The following ZNF236 variants were observed in gnomAD, a reference collection of about 807,000 sequenced individuals.
ZNF236 encodes zinc finger protein 236.
A neutral mutation model predicts 191.2 loss-of-function variants in ZNF236; 50 were observed. The ratio of observed to expected loss-of-function variants is 0.26; its 90% confidence interval spans 0.21 to 0.33. The LOEUF (loss-of-function observed/expected upper bound fraction) is 0.33. Ranked by LOEUF, ZNF236 falls within the 10% of genes least tolerant of loss-of-function variation. ZNF236 has a pLI of 1.00. For synonymous variants in ZNF236, 907 were observed against 928.8 expected (o/e 0.98, Z 0.43); for missense variants, 1,754 against 2,374.5 (o/e 0.74, Z 5.43).
intron 25 of ZNF236, among the ~76,000 whole-genome samples, chr18:76,932,508 CT>C (rs759627242): frequency 2.0e-5 from 3 of 152,242 alleles, no homozygotes; most frequent in Non-Finnish European, 2.9e-5. Context: ...AGTTCATCAT[CT>C]TTCCCCCGCT....
In ZNF236 at chr18:76,895,063, G is replaced by A. The variant is rs1378009514; in HGVS notation, c.1468G>A (p.Ala490Thr). The A allele has an allele frequency of 1.3e-5, 21 of 1,611,606 alleles. No homozygotes were observed. Among genetic ancestry groups the A allele is most frequent in the Non-Finnish European group, 1.6e-5 (19 of 1,179,996 alleles). Residue 490 changes from alanine to threonine, a missense_variant, in exon 10 of 31, where the codon GCC becomes ACC. Physicochemically the swap from Ala to Thr is moderately conservative, Grantham distance 58 (BLOSUM62 0). Transcript: ENST00000320610. ...GVRWHVCPYC[A>T]KEFRKPSDLV... is the part of the protein sequence containing the mutation. ...GCGCTGGCATGTGTGTCCCTACTGCGCCAAGGAGTTCCGCAAGCCCAGCGA... is the reference window on the plus strand; with the variant it reads ...GCGCTGGCATGTGTGTCCCTACTGCACCAAGGAGTTCCGCAAGCCCAGCGA...
At chr18:76,930,197 T>A (rs1967809895) in intron 25 of ZNF236, among the ~76,000 whole-genome samples, 1 of 152,246 alleles carries the variant, frequency 6.6e-6, no homozygotes, top group African/African-American at 2.4e-5. Flanking sequence ...TTCTACTTTT[T>A]AAAATTTTTG....
intron 26 of ZNF236, among the ~76,000 whole-genome samples, chr18:76,947,070 A>G (rs1599418324): frequency 6.6e-6 from 1 of 152,018 alleles, no homozygotes; most frequent in Admixed American, 6.5e-5. Context: ...GCCCCTGGCA[A>G]CTGCCAGTCC....
rs17060031 is a variant in ZNF236, at chr18:76,899,353, G to A, written c.1894+131G>A. Reference sequence around the variant, plus strand: ...TAGGCATAGTATTAATGAAGTCTGTGTTAAGCCTTGTTTTGCTTTATGGAC... The same window carrying A: ...TAGGCATAGTATTAATGAAGTCTGTATTAAGCCTTGTTTTGCTTTATGGAC... On this transcript the variant is annotated intron_variant, in intron 11 of 30. Coordinates refer to ENST00000320610, the MANE Select transcript of ZNF236 (RefSeq NM_001306089.2). 8.0e-3 allele frequency: 6,204 copies of A among 779,742 alleles called. 203 individuals carry two copies. In the African/African-American group the frequency reaches 0.082, roughly 10 times the overall value. 48.3% of individuals were successfully genotyped at this position (779,742 alleles called of 1,614,324 possible).
intron 1 of ZNF236, among the ~76,000 whole-genome samples, chr18:76,825,923 T>A (rs1264717425): frequency 1.3e-5 from 2 of 152,202 alleles, no homozygotes; most frequent in East Asian, 1.9e-4. Context: ...GGGCTGCATT[T>A]AAGAATGTAT....
At chr18:76,964,521 A>G (rs943413544) in intron 30 of ZNF236, among the ~76,000 whole-genome samples, 1 of 152,214 alleles carries the variant, frequency 6.6e-6, no homozygotes, top group African/African-American at 2.4e-5. Context: ...GCTGTTAAAT[A>G]TAATGTATAT....
intron 26 of ZNF236, among the ~76,000 whole-genome samples, chr18:76,938,439 T>C (rs1968053128): frequency 6.6e-6 from 1 of 152,186 alleles, no homozygotes; most frequent in Non-Finnish European, 1.5e-5. Context: ...TTGATTGTCC[T>C]GTCTCTGCTT....
At chr18:76,933,144 T>G (rs9945872) in intron 25 of ZNF236, among the ~76,000 whole-genome samples, 1 of 152,046 alleles carries the variant, frequency 6.6e-6, no homozygotes, top group Non-Finnish European at 1.5e-5. Flanking sequence ...TTGCATTTTT[T>G]AAATTATTAT....
intron 3 of ZNF236, among the ~76,000 whole-genome samples, chr18:76,865,354 CA>C (rs1976377683): frequency 1.3e-5 from 2 of 151,864 alleles, no homozygotes; most frequent in South Asian, 4.2e-4. Flanking sequence ...AAAAACAAAA[CA>C]AAACAAAAAA....
intron 1 of ZNF236, among the ~76,000 whole-genome samples, chr18:76,822,895 C>A (rs1049136623): frequency 2.7e-5 from 4 of 147,950 alleles, no homozygotes; most frequent in African/African-American, 7.3e-5. Flanking sequence ...TTTCCTGGGC[C>A]GGGCGGCGGC....
chr18:76,842,110 G>C (rs1256213478), intron 1 of ZNF236, among the ~76,000 whole-genome samples: 2 of 152,102 alleles, frequency 1.3e-5, no homozygotes, highest in African/African-American at 4.8e-5. Context: ...CTATGCCACT[G>C]GTTTAATTAT....
intron 1 of ZNF236, among the ~76,000 whole-genome samples, chr18:76,831,501 G>A (rs1947108675): frequency 6.6e-6 from 1 of 152,114 alleles, no homozygotes. Flanking sequence ...ATAAATATTT[G>A]TGTGCAGGTT....
intron 1 of ZNF236, among the ~76,000 whole-genome samples, chr18:76,846,799 CTTTT>C (rs558530091): frequency 7.0e-6 from 1 of 143,454 alleles, no homozygotes; most frequent in East Asian, 2.0e-4. Context: ...CAACATTTTT[CTTTT>C]TTTTTTTTTG....
chr18:76,843,247 G>A lies in ZNF236; in HGVS notation c.56-6279G>A, dbSNP rs537262800. 1.5e-4 allele frequency among the ~76,000 whole-genome samples: 23 copies of A among 152,180 alleles called. No individual in the cohort carries two copies. In the East Asian group the frequency reaches 3.7e-3, roughly 24 times the overall value. ...GGAATCAGATAAACTGGTTTTGGGA[G>A]CTTCAGACAACTGGGAAGAGGTTAA... On this transcript the variant is annotated intron_variant, in intron 1 of 30. Coordinates refer to ENST00000320610, the MANE Select transcript of ZNF236 (RefSeq NM_001306089.2).
intron 1 of ZNF236, among the ~76,000 whole-genome samples, chr18:76,832,089 T>C (rs1975185644): frequency 6.6e-6 from 1 of 152,258 alleles, no homozygotes; most frequent in Non-Finnish European, 1.5e-5. Context: ...ATCTTTATTT[T>C]ATTTTTTTGA....
chr18:76,965,906 A>C (rs942402367), intron 30 of ZNF236, among the ~76,000 whole-genome samples: 2 of 152,198 alleles, frequency 1.3e-5, no homozygotes, highest in African/African-American at 4.8e-5. Flanking sequence ...CAGCTGTGGT[A>C]GTATAGGGAG....
intron 9 of ZNF236, 76 bp downstream of exon 9, chr18:76,881,588 T>A: frequency 4.6e-6 from 6 of 1,295,786 alleles, no homozygotes; most frequent in Non-Finnish European, 6.4e-6. Flanking sequence ...GCCCTTCTTT[T>A]TTCCTCTGAA....
intron 16 of ZNF236, among the ~76,000 whole-genome samples, chr18:76,911,111 T>C (rs1375392020): frequency 6.6e-6 from 1 of 152,256 alleles, no homozygotes; most frequent in Non-Finnish European, 1.5e-5. Context: ...AGGTACTATG[T>C]TGCTTTAGGC....
intron 30 of ZNF236, among the ~76,000 whole-genome samples, chr18:76,967,003 T>C (rs1968791889): frequency 6.6e-6 from 1 of 151,732 alleles, no homozygotes; most frequent in South Asian, 2.1e-4. Context: ...TGTTTGGTTG[T>C]TGGAGGTGAT....
Sources: gnomAD v4.1 joint callset for allele counts (sites outside exome capture counted in the v4.1 genomes callset) on GRCh38, gnomAD v4.1.1 for gene constraint, MANE v1.5 for transcripts, NCBI Gene and HGNC (gene_info 2026-07-23, HGNC 2026-07-21) for gene names.